The following TBC1D22A variants were observed in gnomAD, a reference collection of about 807,000 sequenced individuals.
TBC1D22A encodes putative GTPase activator.
TBC1D22A carries 38 observed loss-of-function variants against 60.2 expected under a neutral mutation model. The observed-to-expected ratio is 0.63, with a 90% confidence interval of 0.49 to 0.83. TBC1D22A has a LOEUF of 0.83. Ranked by LOEUF, TBC1D22A falls within the 40% of genes least tolerant of loss-of-function variation. The probability of loss-of-function intolerance (pLI) is 0.00; values close to 1 mark genes in which losing one functional copy is unlikely to be tolerated. For missense variants in TBC1D22A, 628 were observed against 701.0 expected (o/e 0.90, Z 1.18); for synonymous variants, 302 against 281.7 (o/e 1.07, Z -0.72).
At chr22:46,836,547 G>A (rs2086530341) in intron 4 of TBC1D22A, among the ~76,000 whole-genome samples, 1 of 151,470 alleles carries the variant, frequency 6.6e-6, no homozygotes, top group Non-Finnish European at 1.5e-5. Flanking sequence ...CACAACAGAA[G>A]ACGGCAAGAG....
chr22:47,159,554 TTACACACACAC>T (rs898426712), intron 12 of TBC1D22A, among the ~76,000 whole-genome samples: 3 of 147,020 alleles, frequency 2.0e-5, no homozygotes, highest in Admixed American at 1.3e-4. Context: ...TATACTCACA[TTACACACACAC>T]TACACACACA....
intron 10 of TBC1D22A, among the ~76,000 whole-genome samples, chr22:47,029,685 G>A (rs1018585283): frequency 3.3e-5 from 5 of 152,258 alleles, no homozygotes; most frequent in African/African-American, 1.2e-4. Context: ...CTGTTTGCCT[G>A]CAGGGATTTG....
At chr22:47,101,738 G>T (rs956818896) in intron 11 of TBC1D22A, among the ~76,000 whole-genome samples, 1 of 152,182 alleles carries the variant, frequency 6.6e-6, no homozygotes, top group South Asian at 2.1e-4. Context: ...TGGGGGCACC[G>T]AGTTAGGTGG....
At chr22:47,080,013 G>A (rs1421491503) in intron 11 of TBC1D22A, among the ~76,000 whole-genome samples, 1 of 152,170 alleles carries the variant, frequency 6.6e-6, no homozygotes, top group Non-Finnish European at 1.5e-5. Flanking sequence ...ACATACTTTG[G>A]CATACTACCA....
chr22:47,090,891 A>G (rs1461380385), intron 11 of TBC1D22A, among the ~76,000 whole-genome samples: 3 of 86,488 alleles, frequency 3.5e-5, no homozygotes, highest in South Asian at 4.7e-4. Flanking sequence ...TGATAGAGAC[A>G]GGCAGGAGAA....
At chr22:46,951,753 G>A (rs934670106) in intron 8 of TBC1D22A, among the ~76,000 whole-genome samples, 2 of 152,234 alleles carry the variant, frequency 1.3e-5, no homozygotes, top group African/African-American at 2.4e-5. Flanking sequence ...ATAACCAGTG[G>A]AATTTGTGCT....
intron 12 of TBC1D22A, among the ~76,000 whole-genome samples, chr22:47,168,475 G>A (rs566110539): frequency 6.6e-6 from 1 of 152,258 alleles, no homozygotes; most frequent in Non-Finnish European, 1.5e-5. Context: ...TGAAGTAGAT[G>A]GTGGAGATGC....
intron 4 of TBC1D22A, among the ~76,000 whole-genome samples, chr22:46,868,599 C>T (rs1415410128): frequency 2.0e-5 from 3 of 152,144 alleles, no homozygotes; most frequent in East Asian, 1.9e-4. Flanking sequence ...CCCTGCCTTC[C>T]GTCTCTGAGG....
chr22:46,989,759 T>TCACACACACACACACACACACACA (rs35714390), intron 9 of TBC1D22A, among the ~76,000 whole-genome samples: 1 of 146,068 alleles, frequency 6.8e-6, no homozygotes, highest in African/African-American at 2.5e-5. Context: ...TGTGACAGAG[T>TCACACACACACACACACACACACA]CACACACACA....
chr22:46,825,967 C>G (rs556288989), intron 4 of TBC1D22A, among the ~76,000 whole-genome samples: 17 of 151,304 alleles, frequency 1.1e-4, no homozygotes, highest in African/African-American at 3.9e-4. Context: ...ACTGCAAGCT[C>G]CATCTCCCGG....
chr22:47,056,732 C>T (rs1420140649), intron 11 of TBC1D22A, among the ~76,000 whole-genome samples: 5 of 152,232 alleles, frequency 3.3e-5, no homozygotes, highest in Non-Finnish European at 5.9e-5. Context: ...GGTCCTATGA[C>T]AGGGGACCTT....
intron 8 of TBC1D22A, chr22:46,913,202 A>G (rs937355287): frequency 3.5e-5 from 18 of 508,520 alleles, no homozygotes; most frequent in African/African-American, 6.1e-5. Context: ...TAATGCGTCT[A>G]TGGATAAAAC....
At chr22:46,860,849 G>T (rs549405644) in intron 4 of TBC1D22A, among the ~76,000 whole-genome samples, 1 of 152,342 alleles carries the variant, frequency 6.6e-6, no homozygotes, top group African/African-American at 2.4e-5. Context: ...GTTTCCTGTG[G>T]TGTTGAGTGG....
chr22:46,938,589 C>CTTTT, intron 8 of TBC1D22A, among the ~76,000 whole-genome samples: 1 of 140,596 alleles, frequency 7.1e-6, no homozygotes, highest in East Asian at 2.0e-4. Flanking sequence ...TTATTTCTCT[C>CTTTT]TTTTTTTTTT....
At chr22:47,118,214 A>G (rs530007326) in intron 12 of TBC1D22A, among the ~76,000 whole-genome samples, 58 of 152,372 alleles carry the variant, frequency 3.8e-4, no homozygotes, top group African/African-American at 1.3e-3. Context: ...TTGTACCAAC[A>G]AAGAATGCAT....
chr22:46,799,802 T>G (rs937881805), intron 4 of TBC1D22A, among the ~76,000 whole-genome samples: 14 of 152,232 alleles, frequency 9.2e-5, no homozygotes, highest in African/African-American at 2.7e-4. Flanking sequence ...GGAACATCAC[T>G]GAAGGGATTC....
chr22:46,951,193 G>T (rs2072882451), intron 8 of TBC1D22A, among the ~76,000 whole-genome samples: 1 of 152,160 alleles, frequency 6.6e-6, no homozygotes. Context: ...TTGAGTGTAT[G>T]TATAGTGCTG....
intron 1 of TBC1D22A, among the ~76,000 whole-genome samples, chr22:46,771,703 T>C (rs1449811838): frequency 6.6e-6 from 1 of 152,018 alleles, no homozygotes; most frequent in African/African-American, 2.4e-5. Flanking sequence ...CAGGTGATTC[T>C]CCTGTCTCAG....
chr22:47,108,385 C>T (rs542592310), intron 11 of TBC1D22A, among the ~76,000 whole-genome samples: 31 of 152,336 alleles, frequency 2.0e-4, no homozygotes, highest in African/African-American at 6.3e-4. Flanking sequence ...ATGATCTATT[C>T]GTCCGTGCAG....
Sources: allele counts gnomAD v4.1 joint callset (sites outside exome capture counted in the v4.1 genomes callset), GRCh38; gene constraint gnomAD v4.1.1; transcripts MANE v1.5; gene names NCBI Gene and HGNC (gene_info 2026-07-23, HGNC 2026-07-21).